The following RFX7 variants were observed in gnomAD, a reference collection of about 807,000 sequenced individuals.
The protein encoded by RFX7 is regulatory factor X7, also known as DNA-binding protein RFX7.
A neutral mutation model predicts 111.8 loss-of-function variants in RFX7; 26 were observed. The ratio of observed to expected loss-of-function variants is 0.23; its 90% CI spans 0.17 to 0.32. The LOEUF is 0.32. Ranked by LOEUF, RFX7 falls within the 10% of genes least tolerant of loss-of-function variation. RFX7 has a pLI of 1.00. For missense variants in RFX7, 1,573 were observed against 1,772.9 expected (o/e 0.89, Z 2.02); for synonymous variants, 624 against 624.4 (o/e 1.00, Z 0.01).
At chr15:56,112,788 G>A (rs1411276263) in intron 5 of RFX7, among the ~76,000 whole-genome samples, 1 of 151,840 alleles carries the variant, frequency 6.6e-6, no homozygotes, top group Non-Finnish European at 1.5e-5. Context: ...GAATTTACAT[G>A]GGACTTAAAT....
At chr15:56,143,567 T>C in intron 4 of RFX7, among the ~76,000 whole-genome samples, 1 of 152,052 alleles carries the variant, frequency 6.6e-6, no homozygotes, top group Non-Finnish European at 1.5e-5. Flanking sequence ...TACTTATAAA[T>C]AAATACCGAA....
In RFX7 at chr15:56,142,809, G is replaced by A. The variant is rs759625188; in HGVS notation, c.370C>T (p.Leu124=). Residue 124 remains leucine (L), a synonymous_variant, in exon 5 of 10, where the codon CTG becomes TTG. Transcript: ENST00000559447. ...NTLEEHPETS[L]PKQEVYDEYK... ...TCATCATAGACTTCCTGTTTGGGCA[G>A]TGAAGTCTCCGGATGTTCCTCTAGG... 1 of 1,613,294 alleles carries A rather than the reference G, an allele frequency of 6.2e-7. No individual in the cohort carries two copies. Among genetic ancestry groups the A allele is most frequent in the South Asian group, 1.1e-5 (1 of 90,990 alleles).
intron 5 of RFX7, among the ~76,000 whole-genome samples, chr15:56,107,455 TATTC>T (rs2041847273): frequency 6.6e-6 from 1 of 152,054 alleles, no homozygotes; most frequent in South Asian, 2.1e-4. Context: ...CAGTCTTTAA[TATTC>T]ATTCATGTCA....
chr15:56,235,763 C>CA (rs1480276590), intron 2 of RFX7, among the ~76,000 whole-genome samples: 1 of 152,180 alleles, frequency 6.6e-6, no homozygotes, highest in Non-Finnish European at 1.5e-5. Context: ...ACTTAGCATG[C>CA]AAGTTCCAAT....
At chr15:56,152,668 C>A (rs913343343) in intron 3 of RFX7, among the ~76,000 whole-genome samples, 3 of 149,592 alleles carry the variant, frequency 2.0e-5, no homozygotes, top group Non-Finnish European at 4.4e-5. Context: ...AAAACAAATT[C>A]AAAAACTAGC....
At chr15:56,152,203 C>T (rs1031713902) in intron 3 of RFX7, among the ~76,000 whole-genome samples, 2 of 152,132 alleles carry the variant, frequency 1.3e-5, no homozygotes, top group African/African-American at 4.8e-5. Flanking sequence ...CCAAGTGGAC[C>T]TAATAGACAT....
intron 5 of RFX7, among the ~76,000 whole-genome samples, chr15:56,103,949 C>T (rs1186613846): frequency 7.2e-5 from 11 of 152,170 alleles, no homozygotes; most frequent in African/African-American, 2.4e-4. Flanking sequence ...ACAATCCCAA[C>T]CAGTGCTCAT....
chr15:56,101,499 C>T lies in RFX7; in HGVS notation c.671G>A (p.Arg224His), dbSNP rs202086022. The change falls in exon 8 of 10, where the codon CGT becomes CAT. Residue 224 changes from arginine (R) to histidine (H), a missense_variant. Arg to His is a conservative substitution (Grantham distance 29). Around this residue, in one of 7 missense-constraint regions of RFX7, gnomAD observed 288 missense variants for 337.9 expected, o/e 0.85. Transcript: ENST00000559447. ...TTTCTGGGCCCACTCACACACAAGA[C>T]GGCAAGCAGAAGAGATAACTTCTTC... ...IDEEVISSACRLVCEWAQKVL... is the reference protein window; with the variant it reads ...IDEEVISSACHLVCEWAQKVL... 5.5e-5 allele frequency: 88 copies of T among 1,613,506 alleles called. No homozygotes were observed. Among genetic ancestry groups the T allele is most frequent in the Middle Eastern group, 1.6e-4 (1 of 6,082 alleles).
intron 2 of RFX7, among the ~76,000 whole-genome samples, chr15:56,215,112 CTCTTT>C (rs1184566098): frequency 1.3e-5 from 2 of 152,168 alleles, no homozygotes; most frequent in East Asian, 1.9e-4. Flanking sequence ...ATGCTTACAT[CTCTTT>C]TATCAAATGG....
At chr15:56,167,106 A>G (rs1235056193) in intron 3 of RFX7, among the ~76,000 whole-genome samples, 1 of 151,882 alleles carries the variant, frequency 6.6e-6, no homozygotes, top group Non-Finnish European at 1.5e-5. Flanking sequence ...TTGATTCAAG[A>G]CCAGCCTTGG....
chr15:56,105,682 G>A (rs909627104), intron 5 of RFX7, among the ~76,000 whole-genome samples: 4 of 148,072 alleles, frequency 2.7e-5, no homozygotes, highest in African/African-American at 1.1e-4. Context: ...TGGCAGAAGG[G>A]GTAGGAGAAA....
intron 5 of RFX7, among the ~76,000 whole-genome samples, chr15:56,125,877 C>T (rs2042138182): frequency 6.6e-6 from 1 of 152,108 alleles, no homozygotes; most frequent in Admixed American, 6.5e-5. Flanking sequence ...TCTTTCTCCC[C>T]TGTATAAGTC....
At position 56,093,784 on chromosome 15, in the gene RFX7, G is replaced by C; in HGVS notation, c.3944C>G (p.Ser1315Cys). The change falls in exon 10 of 10, where the codon TCT (serine) becomes TGT (cysteine). Residue 1315 changes from serine to cysteine, a missense_variant. By Grantham distance (112) the Ser-to-Cys change is moderately radical. Transcript: ENST00000559447. ...STSVYEFQTP[S>C]YLTKSNSTGQ... is the part of the protein sequence containing the mutation. ...GGTGCTATTACTTTTGGTGAGGTAA[G>C]ATGGTGTTTGGAACTCATAAACAGA... 6.2e-7 allele frequency: 1 copy of C among 1,613,930 alleles called. No homozygotes were observed. Among genetic ancestry groups the C allele is most frequent in the South Asian group, 1.1e-5 (1 of 91,084 alleles).
intron 3 of RFX7, among the ~76,000 whole-genome samples, chr15:56,150,165 G>C (rs2141044876): frequency 6.6e-6 from 1 of 152,318 alleles, no homozygotes; most frequent in South Asian, 2.1e-4. Context: ...GCGGTGGCCA[G>C]ACTGCCTGAT....
chr15:56,214,185 C>CCTAA (rs1170940897), intron 2 of RFX7, among the ~76,000 whole-genome samples: 5 of 152,130 alleles, frequency 3.3e-5, no homozygotes, highest in African/African-American at 1.2e-4. Flanking sequence ...ATGGCAAGTT[C>CCTAA]CTAACTTTGT....
At chr15:56,105,075 C>G (rs1001902672) in intron 5 of RFX7, among the ~76,000 whole-genome samples, 43 of 152,154 alleles carry the variant, frequency 2.8e-4, no homozygotes, top group Non-Finnish European at 2.9e-5. Flanking sequence ...CTTTATGGTT[C>G]AAACCGGCAC....
chr15:56,209,077 T>A (rs1222673150), intron 2 of RFX7, among the ~76,000 whole-genome samples: 1 of 151,726 alleles, frequency 6.6e-6, no homozygotes, highest in Non-Finnish European at 1.5e-5. Flanking sequence ...TCAACCAACA[T>A]CAATGTCAAA....
chr15:56,154,312 C>A (rs573991421), intron 3 of RFX7, among the ~76,000 whole-genome samples: 36 of 152,256 alleles, frequency 2.4e-4, no homozygotes, highest in African/African-American at 8.4e-4. Flanking sequence ...AAAAAAGAGC[C>A]CGCATAGCCA....
intron 2 of RFX7, among the ~76,000 whole-genome samples, chr15:56,179,684 G>T (rs566813267): frequency 6.6e-6 from 1 of 151,282 alleles, no homozygotes; most frequent in Non-Finnish European, 1.5e-5. Context: ...GCACTTAAAA[G>T]TCATAACGAT....
Sources: gnomAD v4.1 joint callset for allele counts (sites outside exome capture counted in the v4.1 genomes callset) on GRCh38, gnomAD v4.1.1 for gene constraint, gnomAD v4.1.1 regional missense constraint, MANE v1.5 for transcripts, NCBI Gene and HGNC (gene_info 2026-07-23, HGNC 2026-07-21) for gene names.